The following CD99 variants were observed in gnomAD, a reference collection of about 807,000 sequenced individuals.
CD99 encodes the protein CD99 molecule (Xg blood group).
A neutral mutation model predicts 28.4 loss-of-function variants in CD99; 19 were observed. The ratio of observed to expected loss-of-function variants is 0.67; its 90% CI spans 0.47 to 0.98. The LOEUF is 0.98. Ranked by LOEUF, CD99 falls within the 50% of genes least tolerant of loss-of-function variation. The pLI is 0.00. For synonymous variants in CD99, 103 were observed against 92.1 expected, an observed-to-expected ratio of 1.12 and a Z score of -0.67; for missense variants, 283 against 248.8, an observed-to-expected ratio of 1.14 and a Z score of -0.92.
chrX:2,708,383 C>G (rs1299430471), intron 1 of CD99, among the ~76,000 whole-genome samples: 1 of 152,078 alleles, frequency 6.6e-6, no homozygotes, highest in Non-Finnish European at 1.5e-5. Context: ...AAGTGTTAGT[C>G]ACCCGAGGAG....
rs148637599 is a variant in CD99, at chrX:2,698,416, G to A, written c.67+6989G>A. Among the ~76,000 whole-genome samples the A allele has an allele frequency of 3.3e-3, 503 of 151,638 alleles. 16 individuals carry two copies. The East Asian group carries it at 0.084, about 25-fold the overall frequency. On this transcript the variant is annotated intron_variant, in intron 1 of 9. Transcript: ENST00000381192. ...ACTCCTGGGCTCAAGCAAACCTCTCGCCTCAGCTTCCCAAAGTGCTGGGGT... is the reference window on the plus strand; with the variant it reads ...ACTCCTGGGCTCAAGCAAACCTCTCACCTCAGCTTCCCAAAGTGCTGGGGT...
At chrX:2,735,773 G>A (rs2049899150) in intron 8 of CD99, among the ~76,000 whole-genome samples, 1 of 152,100 alleles carries the variant, frequency 6.6e-6, no homozygotes, top group African/African-American at 2.4e-5. Flanking sequence ...CTCTTCAGGG[G>A]GTTTTCCTCT....
chrX:2,712,576 C>T (rs1045963299), intron 1 of CD99, among the ~76,000 whole-genome samples: 3 of 151,988 alleles, frequency 2.0e-5, no homozygotes, highest in East Asian at 3.9e-4. Context: ...AAAGATCTGC[C>T]GCATGCTGCA....
At position 2,725,893 on chromosome X, in the gene CD99, G is replaced by A. The variant is rs1429152970; in HGVS notation, c.362-367G>A. The stretch of plus-strand genomic sequence containing the variant: ...CTCCCAAAGTGCTGGGATTACAGGC[G>A]TGAGCCACCACGCCCAGCCCCAGCT... On this transcript the variant is annotated intron_variant, in intron 7 of 9. Coordinates refer to ENST00000381192, the MANE Select transcript of CD99 (RefSeq NM_002414.5). Among the ~76,000 whole-genome samples, 5 of 152,124 alleles carry A rather than the reference G, an allele frequency of 3.3e-5. No homozygotes were observed. In the South Asian group the frequency reaches 8.3e-4, roughly 25 times the overall value.
intron 8 of CD99, among the ~76,000 whole-genome samples, chrX:2,729,795 G>A (rs1230664387): frequency 6.6e-6 from 1 of 152,058 alleles, no homozygotes; most frequent in Admixed American, 6.6e-5. Flanking sequence ...GCAGGAGGTG[G>A]GGCAGGCATG....
chrX:2,698,914 G>A (rs1430556956), intron 1 of CD99, among the ~76,000 whole-genome samples: 2 of 151,270 alleles, frequency 1.3e-5, no homozygotes, highest in East Asian at 2.0e-4. Flanking sequence ...GTTTATAGAC[G>A]TGTTAGGTGT....
At chrX:2,700,720 CATCT>C (rs1323911570) in intron 1 of CD99, among the ~76,000 whole-genome samples, 1 of 152,014 alleles carries the variant, frequency 6.6e-6, no homozygotes, top group Non-Finnish European at 1.5e-5. Context: ...TTGATACATC[CATCT>C]GTCCACCATC....
rs750713534 is a variant in CD99, at chrX:2,706,994, A to T, written c.68-7428A>T. Among the ~76,000 whole-genome samples, 23 of 152,022 alleles carry T rather than the reference A, an allele frequency of 1.5e-4. 1 individual carries two copies. Among genetic ancestry groups the T allele is most frequent in the Non-Finnish European group, 2.6e-4 (18 of 67,986 alleles). On this transcript the variant is annotated intron_variant, in intron 1 of 9. Transcript: ENST00000381192. ...CACCACCACGCCTGGCTCATTTTTA[A>T]TTTTATGTGAAACACCTGAATGATG...
At chrX:2,725,251 A>AT (rs1423452211) in intron 7 of CD99, among the ~76,000 whole-genome samples, 5 of 152,036 alleles carry the variant, frequency 3.3e-5, no homozygotes, top group African/African-American at 1.2e-4. Context: ...CACAGTAATT[A>AT]ACCAGGCATG....
intron 5 of CD99, among the ~76,000 whole-genome samples, chrX:2,720,648 A>T (rs2048952347): frequency 8.6e-6 from 1 of 116,438 alleles, no homozygotes; most frequent in Non-Finnish European, 1.7e-5. Context: ...TTTTTGAGAC[A>T]GAGTCTTGTT....
intron 1 of CD99, among the ~76,000 whole-genome samples, chrX:2,698,150 G>A (rs2047662974): frequency 2.0e-5 from 3 of 151,626 alleles, no homozygotes; most frequent in Admixed American, 6.6e-5. Context: ...ACATATCACC[G>A]GGCAGTGGCT....
intron 6 of CD99, 93 bp downstream of exon 6, chrX:2,722,767 C>T (rs2049059375): frequency 8.2e-7 from 1 of 1,223,304 alleles, no homozygotes; most frequent in Admixed American, 1.7e-5. Context: ...ACTGTCAGCT[C>T]TCTGTGAACT....
intron 1 of CD99, among the ~76,000 whole-genome samples, chrX:2,708,626 G>T (rs2048233922): frequency 1.3e-5 from 2 of 152,204 alleles, no homozygotes; most frequent in Non-Finnish European, 2.9e-5. Flanking sequence ...TGGAAGACAA[G>T]CTCCAAGTGC....
chrX:2,736,289 A>G (rs1242649671), intron 8 of CD99, among the ~76,000 whole-genome samples: 1 of 151,872 alleles, frequency 6.6e-6, no homozygotes, highest in Non-Finnish European at 1.5e-5. Flanking sequence ...TGAACCACAG[A>G]TGGGGCCGTT....
chrX:2,702,315 CCCCCTA>C (rs992682521), intron 1 of CD99, among the ~76,000 whole-genome samples: 6 of 152,052 alleles, frequency 3.9e-5, no homozygotes, highest in South Asian at 2.1e-4. Flanking sequence ...AATTCTGTGA[CCCCCTA>C]CCCCTACCCC....
chrX:2,691,961 A>G (rs983188432), intron 1 of CD99: 14 of 776,066 alleles, frequency 1.8e-5, no homozygotes, highest in Non-Finnish European at 2.6e-5. Context: ...AAAATGTTCA[A>G]AAATACTCTG....
rs772703999 is a variant in CD99 at position 2,691,340 on chromosome X, C to T, written c.-21C>T. On this transcript the variant is annotated 5_prime_UTR_variant, in exon 1 of 10. Transcript: ENST00000381192. ...CCACGCCCTGCACTCCGGGACCGTC[C>T]CTGCGCGCTCTGGGCGCACCATGGC... 6.5e-7 allele frequency: 1 copy of T among 1,549,538 alleles called. No individual in the cohort carries two copies. The highest frequency in any genetic ancestry group is 1.4e-5 in the African/African-American group (1 of 71,498).
At chrX:2,724,390 A>G (rs1337050219) in intron 7 of CD99, among the ~76,000 whole-genome samples, 7 of 152,096 alleles carry the variant, frequency 4.6e-5, no homozygotes, top group Non-Finnish European at 1.0e-4. Context: ...AAGTCAGACA[A>G]TTCTCCTTCC....
chrX:2,699,880 T>G (rs1378512382), intron 1 of CD99, among the ~76,000 whole-genome samples: 1 of 152,234 alleles, frequency 6.6e-6, no homozygotes, highest in Admixed American at 6.5e-5. Context: ...TGACCGCCTC[T>G]CGGATGTGAA....
Sources: gnomAD v4.1 joint callset for allele counts (sites outside exome capture counted in the v4.1 genomes callset) on GRCh38, gnomAD v4.1.1 for gene constraint, MANE v1.5 for transcripts, NCBI Gene and HGNC (gene_info 2026-07-23, HGNC 2026-07-21) for gene names.